The following PHC1 variants were observed in gnomAD, a reference collection of about 807,000 sequenced individuals.
The protein encoded by PHC1 is polyhomeotic homolog 1.
A neutral mutation model predicts 104.3 loss-of-function variants in PHC1; 12 were observed. The observed-to-expected ratio is 0.12, with a 90% confidence interval of 0.07 to 0.19. The LOEUF is 0.19. Among genes scored for constraint, PHC1 ranks in the 10% least tolerant of loss-of-function variants. PHC1 has a pLI of 1.00. For synonymous variants in PHC1, 302 were observed against 455.8 expected (o/e 0.66, Z 4.30); for missense variants, 671 against 1,200.0 (o/e 0.56, Z 6.51).
At chr12:8,932,223 A>C (rs1312006797) in intron 7 of PHC1, among the ~76,000 whole-genome samples, 3 of 152,342 alleles carry the variant, frequency 2.0e-5, no homozygotes, top group Admixed American at 1.3e-4. Flanking sequence ...CTAATGGAGG[A>C]GGGGCTAACC....
intron 1 of PHC1, among the ~76,000 whole-genome samples, chr12:8,916,808 T>C (rs1251406077): frequency 1.3e-5 from 2 of 152,154 alleles, no homozygotes; most frequent in African/African-American, 4.8e-5. Flanking sequence ...AGGAAACAGG[T>C]ATAAGGAAGG....
At chr12:8,937,744 C>A in intron 13 of PHC1, 85 bp from the exon 14 acceptor site, 1 of 1,013,462 alleles carries the variant, frequency 9.9e-7, no homozygotes. Flanking sequence ...TTTTCTTCTA[C>A]GCCCAACCCA....
chr12:8,915,055 C>T (rs551255633), intron 1 of PHC1: 76 of 152,820 alleles, frequency 5.0e-4, no homozygotes, highest in Middle Eastern at 3.1e-3. Flanking sequence ...ACCCTAGCTG[C>T]CTCTGACTGC....
rs947531339 is a variant in PHC1 at position 8,939,788 on chromosome 12, G to T, written c.*329G>T. The T allele has an allele frequency of 2.1e-6, 1 of 483,208 alleles. No individual in the cohort carries two copies. Among genetic ancestry groups the T allele is most frequent in the Non-Finnish European group, 4.1e-6 (1 of 244,026 alleles). 29.9% of individuals were successfully genotyped at this position (483,208 alleles called of 1,614,324 possible). On this transcript the variant is annotated 3_prime_UTR_variant, in exon 15 of 15. Transcript: ENST00000544916. The stretch of plus-strand genomic sequence containing the variant: ...TCCTGGAGTGGAGCATTTAGCCCAG[G>T]TCTTAATTCTCCAAGAGGAGGAATA...
At position 8,924,069 on chromosome 12, in the gene PHC1, T is replaced by C. The variant is rs533241047; in HGVS notation, c.612+1281T>C. ...GGACTTGAGTGTCTGCAGACTTTGATGTCCATGAGCCTGGAACTAATCCCC... is the reference window on the plus strand; with the variant it reads ...GGACTTGAGTGTCTGCAGACTTTGACGTCCATGAGCCTGGAACTAATCCCC... On this transcript the variant is annotated intron_variant, in intron 6 of 14. Coordinates refer to ENST00000544916, the MANE Select transcript of PHC1 (RefSeq NM_004426.3). Among the ~76,000 whole-genome samples, 3 of 152,292 alleles carry C rather than the reference T, an allele frequency of 2.0e-5. No individual in the cohort carries two copies. The South Asian group carries it at 6.2e-4, about 32-fold the overall frequency.
At chr12:8,936,344 G>A (rs1945837466) in intron 11 of PHC1, among the ~76,000 whole-genome samples, 1 of 152,090 alleles carries the variant, frequency 6.6e-6, no homozygotes, top group South Asian at 2.1e-4. Context: ...ATAGCACCAC[G>A]GCACTCCAGC....
chr12:8,917,828 C>A, intron 2 of PHC1, 37 bp downstream of exon 2: 1 of 1,123,388 alleles, frequency 8.9e-7, no homozygotes, highest in Non-Finnish European at 1.3e-6. Flanking sequence ...GTCTGTGAGT[C>A]TTGGCTTGTG....
At chr12:8,921,199 G>C in intron 4 of PHC1, 134 bp downstream of exon 4, 1 of 646,244 alleles carries the variant, frequency 1.5e-6, no homozygotes. Context: ...GTAGAGAATA[G>C]TAGTACAAGG....
rs1473806815 is a variant in PHC1 at position 8,939,748 on chromosome 12, G to A, written c.*289G>A. 2.6e-5 allele frequency: 13 copies of A among 500,028 alleles called. No individual in the cohort carries two copies. Among genetic ancestry groups the A allele is most frequent in the African/African-American group, 2.5e-4 (13 of 52,448 alleles). 31.0% of individuals were successfully genotyped at this position (500,028 alleles called of 1,614,324 possible). A position where few individuals can be genotyped will look rare whatever the true frequency, so the allele number is the denominator to read the frequency against. On this transcript the variant is annotated 3_prime_UTR_variant, in exon 15 of 15. Transcript: ENST00000544916. ...TAAAAGAGGCAGTCTAGAGAACTAG[G>A]ACTGCTCAGCCTTATCCTGGAGTGG...
intron 14 of PHC1, among the ~76,000 whole-genome samples, chr12:8,938,523 C>G (rs1315180509): frequency 1.3e-5 from 2 of 150,576 alleles, no homozygotes; most frequent in East Asian, 3.9e-4. Flanking sequence ...CTCAAGAGAT[C>G]CTTCTGCCTT....
At chr12:8,922,359 A>G (rs770358240) in intron 5 of PHC1, among the ~76,000 whole-genome samples, 1 of 152,228 alleles carries the variant, frequency 6.6e-6, no homozygotes, top group South Asian at 2.1e-4. Flanking sequence ...CCTACTTTCT[A>G]TATATAAGTA....
intron 14 of PHC1, among the ~76,000 whole-genome samples, chr12:8,938,673 A>G (rs1945915296): frequency 1.3e-5 from 2 of 152,214 alleles, no homozygotes; most frequent in South Asian, 4.1e-4. Context: ...TTAAACAAAA[A>G]TATCACAAAG....
chr12:8,935,991 C>T (rs900182752), intron 11 of PHC1, among the ~76,000 whole-genome samples: 8 of 152,012 alleles, frequency 5.3e-5, no homozygotes, highest in Admixed American at 2.6e-4. Flanking sequence ...CGCCAACTCC[C>T]GACCTCAGGT....
At position 8,922,786 on chromosome 12, in the gene PHC1, C is replaced by G. The variant is rs749308553; in HGVS notation, c.610C>G (p.Gln204Glu). 1.9e-6 allele frequency: 3 copies of G among 1,612,680 alleles called. No homozygotes were observed. The highest frequency in any genetic ancestry group is 2.2e-5 in the South Asian group (2 of 90,536). The change falls in exon 6 of 15, where the codon CAG becomes GAG. Residue 204 changes from glutamine (Q) to glutamate (E), a missense_variant and splice_region_variant. Physicochemically the swap from Gln to Glu is conservative, Grantham distance 29 (BLOSUM62 2). Transcript: ENST00000544916. ...TCCTGGAGTTCATGCAGATGCAGAT[C>G]AGGTTAGTGGCGATGACTTTACCTG... ...QSPGVHADAD[Q>E]VQNLAVRNQQ...
At chr12:8,935,308 AAATAGTAGTT>A (rs1387037154) in intron 11 of PHC1, 70 bp downstream of exon 11, 1 of 771,262 alleles carries the variant, frequency 1.3e-6, no homozygotes, top group Non-Finnish European at 2.1e-6. Flanking sequence ...ACTCGGTGTA[AAATAGTAGTT>A]ACCTATTTAT....
chr12:8,922,868 G>A, intron 6 of PHC1, 80 bp downstream of exon 6: 1 of 1,243,068 alleles, frequency 8.0e-7, no homozygotes, highest in Non-Finnish European at 1.1e-6. Flanking sequence ...CCACCCTTCT[G>A]CCCCATTACA....
At position 8,921,042 on chromosome 12, in the gene PHC1, C is replaced by G. The variant is rs1395296341; in HGVS notation, c.283C>G (p.Gln95Glu). 1.9e-6 allele frequency: 3 copies of G among 1,613,172 alleles called. No individual in the cohort carries two copies. Among genetic ancestry groups the G allele is most frequent in the Admixed American group, 3.3e-5 (2 of 59,798 alleles). ...CCCAAACACCAGCACTACACAGCAG[C>G]AGACTACCACCACCCAGGCCTCGGT... ...SSPNTSTTQQQTTTTQASINL... is the reference protein window; with the variant it reads ...SSPNTSTTQQETTTTQASINL... The change falls in exon 4 of 15, where the codon CAG (glutamine) becomes GAG (glutamate). Residue 95 changes from glutamine (Q) to glutamate (E), a missense_variant. Gln to Glu is a conservative substitution (Grantham distance 29). Coordinates refer to ENST00000544916, the MANE Select transcript of PHC1 (RefSeq NM_004426.3).
intron 1 of PHC1, among the ~76,000 whole-genome samples, chr12:8,916,563 A>G (rs766140049): frequency 2.0e-4 from 30 of 152,186 alleles, no homozygotes; most frequent in African/African-American, 7.2e-4. Context: ...CTTTGGAAGA[A>G]TATTTCTTCT....
At chr12:8,932,466 G>A in intron 7 of PHC1, 97 bp from the exon 8 acceptor site, 2 of 1,334,148 alleles carry the variant, frequency 1.5e-6, no homozygotes, top group Non-Finnish European at 2.1e-6. Context: ...TCCAAAACTA[G>A]GTTATACCTT....
Sources: allele counts gnomAD v4.1 joint callset (sites outside exome capture counted in the v4.1 genomes callset), GRCh38; gene constraint gnomAD v4.1.1; transcripts MANE v1.5; gene names NCBI Gene and HGNC (gene_info 2026-07-23, HGNC 2026-07-21).